The following PTGIS variants were observed in gnomAD, a reference collection of about 807,000 sequenced individuals.
PTGIS encodes the protein prostacyclin synthase.
Under a neutral mutation model 50.3 loss-of-function variants are expected in PTGIS, and 45 were observed. The observed-to-expected ratio is 0.90, with a 90% CI of 0.70 to 1.15. The LOEUF (loss-of-function observed/expected upper bound fraction) is 1.15. Among genes scored for constraint, PTGIS ranks in the 50% most tolerant of loss-of-function variants. The pLI, the probability that PTGIS is intolerant of heterozygous loss-of-function variation, is 0.00. For synonymous variants in PTGIS, 260 were observed against 267.7 expected, an observed-to-expected ratio of 0.97 and a Z score of 0.28; for missense variants, 668 against 661.3, an observed-to-expected ratio of 1.01 and a Z score of -0.11.
intron 5 of PTGIS, among the ~76,000 whole-genome samples, chr20:49,536,037 A>G (rs1399131567): frequency 1.3e-5 from 2 of 152,260 alleles, no homozygotes; most frequent in Admixed American, 1.3e-4. Context: ...GTTTATATCA[A>G]CAGAGAAGAA....
chr20:49,514,406 A>T lies in PTGIS; in HGVS notation c.856-11T>A. On this transcript the variant is annotated splice_polypyrimidine_tract_variant and intron_variant, in intron 6 of 9. Coordinates refer to ENST00000244043, the MANE Select transcript of PTGIS (RefSeq NM_000961.4). ...GGGACCCATATTCCCCTGCAAGGAG[A>T]AGGGCCCCTGTTATGCCATTATGAG... 6.2e-7 allele frequency: 1 copy of T among 1,612,938 alleles called. No homozygotes were observed. Among genetic ancestry groups the T allele is most frequent in the Non-Finnish European group, 8.5e-7 (1 of 1,179,906 alleles).
At chr20:49,520,751 T>C (rs1981630651) in intron 6 of PTGIS, among the ~76,000 whole-genome samples, 1 of 152,172 alleles carries the variant, frequency 6.6e-6, no homozygotes, top group South Asian at 2.1e-4. Flanking sequence ...ATTGCAGCCT[T>C]GACCTCCTAG....
At chr20:49,566,138 G>A (rs1334590105) in intron 1 of PTGIS, among the ~76,000 whole-genome samples, 3 of 152,158 alleles carry the variant, frequency 2.0e-5, no homozygotes. Flanking sequence ...GCTGAGGCAG[G>A]AGAATCACTT....
At chr20:49,516,287 G>A (rs1442949494) in intron 6 of PTGIS, among the ~76,000 whole-genome samples, 2 of 151,834 alleles carry the variant, frequency 1.3e-5, no homozygotes, top group African/African-American at 4.8e-5. Flanking sequence ...TTTTTTAATG[G>A]ACACACTAAT....
intron 6 of PTGIS, among the ~76,000 whole-genome samples, chr20:49,522,722 C>T (rs114791787): frequency 0.016 from 2,365 of 152,172 alleles, 68 homozygotes; most frequent in African/African-American, 0.052. Context: ...GCACAGAAAC[C>T]GTGCCAGATT....
intron 5 of PTGIS, among the ~76,000 whole-genome samples, chr20:49,533,160 T>C (rs1017704433): frequency 1.7e-4 from 26 of 152,114 alleles, no homozygotes; most frequent in African/African-American, 6.0e-4. Context: ...CTCTCAAGTT[T>C]TTTCTGGGAA....
intron 2 of PTGIS, among the ~76,000 whole-genome samples, chr20:49,548,290 A>G (rs968344274): frequency 3.3e-5 from 5 of 152,144 alleles, no homozygotes; most frequent in Admixed American, 6.5e-5. Context: ...GGAATTTGGG[A>G]ATATTGAGGC....
intron 5 of PTGIS, among the ~76,000 whole-genome samples, chr20:49,525,744 TGA>T (rs1488482218): frequency 1.3e-5 from 2 of 152,126 alleles, no homozygotes; most frequent in African/African-American, 2.4e-5. Context: ...CTTGGAAAAG[TGA>T]GAGTCATTTT....
chr20:49,560,197 C>A (rs1042872557), intron 1 of PTGIS, among the ~76,000 whole-genome samples: 1 of 152,202 alleles, frequency 6.6e-6, no homozygotes, highest in Non-Finnish European at 1.5e-5. Flanking sequence ...GCTGGGATTA[C>A]AGGCGTGAGC....
intron 1 of PTGIS, among the ~76,000 whole-genome samples, chr20:49,565,473 C>T (rs1023243282): frequency 5.3e-5 from 8 of 152,026 alleles, no homozygotes; most frequent in East Asian, 1.9e-4. Flanking sequence ...TGAGACCATC[C>T]TGGACAACAT....
At chr20:49,545,011 C>T (rs1982322365) in intron 3 of PTGIS, among the ~76,000 whole-genome samples, 2 of 152,208 alleles carry the variant, frequency 1.3e-5, no homozygotes, top group Non-Finnish European at 2.9e-5. Context: ...GTGGCTCCCA[C>T]CTGTAATCCC....
At chr20:49,543,889 C>A (rs1326404054) in intron 4 of PTGIS, among the ~76,000 whole-genome samples, 4 of 152,208 alleles carry the variant, frequency 2.6e-5, no homozygotes, top group Non-Finnish European at 4.4e-5. Flanking sequence ...TAGTGCCCGG[C>A]ACTGCTGAAG....
chr20:49,508,435 C>T (rs992693663), intron 9 of PTGIS, among the ~76,000 whole-genome samples: 4 of 152,154 alleles, frequency 2.6e-5, no homozygotes, highest in Admixed American at 6.5e-5. Context: ...CGAGTCTGTG[C>T]ACAGAGTGGG....
chr20:49,524,263 T>C, intron 5 of PTGIS, 24 bp from the exon 6 acceptor site: 1 of 1,608,494 alleles, frequency 6.2e-7, no homozygotes, highest in Non-Finnish European at 8.5e-7. Context: ...GCACAGAGAG[T>C]AGGGGTTACA....
chr20:49,526,632 A>G (rs1411432462), intron 5 of PTGIS, among the ~76,000 whole-genome samples: 1 of 152,264 alleles, frequency 6.6e-6, no homozygotes, highest in Non-Finnish European at 1.5e-5. Context: ...CTCAACAACA[A>G]TAAAAAACAA....
intron 5 of PTGIS, among the ~76,000 whole-genome samples, chr20:49,530,401 T>A (rs1981907789): frequency 1.3e-5 from 2 of 152,184 alleles, no homozygotes; most frequent in South Asian, 4.1e-4. Flanking sequence ...GGTGCAGACA[T>A]CTCTTCAAGA....
At chr20:49,513,002 C>T (rs1180826044) in intron 8 of PTGIS, 78 bp downstream of exon 8, 2 of 1,539,708 alleles carry the variant, frequency 1.3e-6, no homozygotes, top group Non-Finnish European at 9.0e-7. Flanking sequence ...GCCAGGCTGC[C>T]ACTCAGATCT....
chr20:49,518,111 G>A (rs2122847171), intron 6 of PTGIS, among the ~76,000 whole-genome samples: 1 of 152,370 alleles, frequency 6.6e-6, no homozygotes, highest in East Asian at 1.9e-4. Flanking sequence ...TGAGGATGTA[G>A]CCTGGCAGAA....
chr20:49,522,626 T>C (rs969127764), intron 6 of PTGIS, among the ~76,000 whole-genome samples: 1 of 152,122 alleles, frequency 6.6e-6, no homozygotes, highest in Non-Finnish European at 1.5e-5. Context: ...CCATGCCCAG[T>C]GTCTCAATGG....
Sources: gnomAD v4.1 joint callset for allele counts (sites outside exome capture counted in the v4.1 genomes callset) on GRCh38, gnomAD v4.1.1 for gene constraint, MANE v1.5 for transcripts, NCBI Gene and HGNC (gene_info 2026-07-23, HGNC 2026-07-21) for gene names.